Variants in CYBA observed in about 807,000 individuals in gnomAD.
The protein encoded by CYBA is cytochrome b-245 alpha chain.
In CYBA, 21 loss-of-function variants were observed where a neutral mutation model predicts 20.8. The observed-to-expected ratio is 1.01, with a 90% CI of 0.72 to 1.46. The LOEUF (loss-of-function observed/expected upper bound fraction) is 1.46, where lower values mean the gene tolerates loss of function less well. Among genes scored for constraint, CYBA ranks in the 40% most tolerant of loss-of-function variants. The pLI is 0.00. For synonymous variants in CYBA, 164 were observed against 127.5 expected (o/e 1.29, Z -1.93); for missense variants, 344 against 287.0 (o/e 1.20, Z -1.43).
Position 88,647,143 on chromosome 16 carries a change from T to A in CYBA, c.161A>T (p.Tyr54Phe), listed in dbSNP as rs975930514. ...VAGVFVCLLE[Y>F]PRGKRKKGST... ...GCCCTTCTTCCTCTTCCCCCGGGGGTACTCCAGCAGGCACACAAACACGCC... is the reference window on the plus strand; with the variant it reads ...GCCCTTCTTCCTCTTCCCCCGGGGGAACTCCAGCAGGCACACAAACACGCC... Residue 54 changes from tyrosine (Y) to phenylalanine (F), a missense_variant, in exon 3 of 6, where the codon TAC becomes TTC. Coordinates refer to ENST00000261623, the MANE Select transcript of CYBA (RefSeq NM_000101.4). 7 of 1,610,472 alleles carry A rather than the reference T, an allele frequency of 4.3e-6. No homozygotes were observed. Among genetic ancestry groups the A allele is most frequent in the Non-Finnish European group, 5.9e-6 (7 of 1,179,576 alleles).
At chr16:88,649,550 C>T (rs1025401548) in intron 1 of CYBA, among the ~76,000 whole-genome samples, 4 of 152,230 alleles carry the variant, frequency 2.6e-5, no homozygotes, top group Non-Finnish European at 4.4e-5. Flanking sequence ...CTGCTGTCTC[C>T]GGGCCAGCTG....
At chr16:88,646,669 T>C in intron 4 of CYBA, 86 bp downstream of exon 4, 1 of 1,256,010 alleles carries the variant, frequency 8.0e-7, no homozygotes, top group Non-Finnish European at 1.2e-6. Flanking sequence ...GTGGCTCCTG[T>C]CCAGGCAGCC....
rs72558354 is a variant in CYBA at position 88,650,366 on chromosome 16, T to C, written c.58+590A>G. On this transcript the variant is annotated intron_variant, in intron 1 of 5. Coordinates refer to ENST00000261623, the MANE Select transcript of CYBA (RefSeq NM_000101.4). ...AATGCACAGGAGGGTGACTGGGGGCTGTGCCATCCCACCCCAAGAGCAAAG... is the reference window on the plus strand; with the variant it reads ...AATGCACAGGAGGGTGACTGGGGGCCGTGCCATCCCACCCCAAGAGCAAAG... 1.5e-3 allele frequency: 693 copies of C among 456,746 alleles called. 8 individuals carry two copies. The highest frequency in any genetic ancestry group is 0.013 in the African/African-American group (638 of 50,204). 28.3% of individuals were successfully genotyped at this position (456,746 alleles called of 1,614,324 possible).
chr16:88,649,676 G>A (rs1907431557), intron 1 of CYBA, among the ~76,000 whole-genome samples: 1 of 152,224 alleles, frequency 6.6e-6, no homozygotes, highest in Admixed American at 6.5e-5. Context: ...CGAGGCCCTG[G>A]GGCACGCTCA....
At chr16:88,649,517 A>AG (rs1907426689) in intron 1 of CYBA, among the ~76,000 whole-genome samples, 1 of 152,220 alleles carries the variant, frequency 6.6e-6, no homozygotes, top group Non-Finnish European at 1.5e-5. Context: ...TGCTGTGTAC[A>AG]GGGGGGACTC....
chr16:88,646,596 C>T, intron 4 of CYBA, 159 bp downstream of exon 4: 1 of 735,630 alleles, frequency 1.4e-6, no homozygotes, highest in Non-Finnish European at 2.5e-6. Context: ...AGACAGCAGA[C>T]ACAGGCCCTG....
chr16:88,646,445 C>G lies in CYBA; in HGVS notation c.288-248G>C, dbSNP rs577886910. The G allele has an allele frequency of 5.7e-4, 327 of 576,338 alleles. 1 individual carries two copies. In the African/African-American group the frequency reaches 6.2e-3, roughly 11 times the overall value. The allele number at this position is 576,338 out of a possible 1,614,324, so 35.7% of individuals were successfully genotyped here. A position where few individuals can be genotyped will look rare whatever the true frequency, so the allele number is the denominator to read the frequency against. ...GTGTCCTGGCCTCAGCCGGCAGTAA[C>G]CAGCAGACACACAGCACGGAACCCT... On this transcript the variant is annotated intron_variant, in intron 4 of 5. Transcript: ENST00000261623.
chr16:88,648,138 A>G, intron 1 of CYBA, 24 bp from the exon 2 acceptor site: 1 of 1,604,064 alleles, frequency 6.2e-7, no homozygotes, highest in Non-Finnish European at 8.5e-7. Context: ...TGGGTCAGGC[A>G]CTGTGGGGCT....
intron 5 of CYBA, 21 bp downstream of exon 5, chr16:88,646,095 A>G: frequency 6.5e-7 from 1 of 1,543,984 alleles, no homozygotes; most frequent in Middle Eastern, 2.0e-4. Context: ...GCCGGGGCCG[A>G]CCTCAGAGGG....
intron 5 of CYBA, among the ~76,000 whole-genome samples, chr16:88,644,333 C>T (rs1907198815): frequency 6.6e-6 from 1 of 152,138 alleles, no homozygotes; most frequent in South Asian, 2.1e-4. Context: ...AGGCAGGACC[C>T]AGGGCCAGGG....
chr16:88,647,996 C>T (rs572754164), intron 2 of CYBA, 49 bp downstream of exon 2: 264 of 1,557,172 alleles, frequency 1.7e-4, no homozygotes, highest in Admixed American at 6.1e-4. Context: ...GGCTCCCCAG[C>T]TCTGCCCTGG....
At chr16:88,648,022 C>G in intron 2 of CYBA, 23 bp downstream of exon 2, 4 of 1,608,188 alleles carry the variant, frequency 2.5e-6, no homozygotes, top group Non-Finnish European at 3.4e-6. Context: ...CCCCGCCCAC[C>G]CCAGCCTCAG....
intron 1 of CYBA, among the ~76,000 whole-genome samples, 181 bp from the exon 2 acceptor site, chr16:88,648,295 A>G (rs1907362524): frequency 6.6e-6 from 1 of 152,208 alleles, no homozygotes; most frequent in African/African-American, 2.4e-5. Context: ...TGAAGAGCAG[A>G]GCCTGTGGCG....
intron 5 of CYBA, chr16:88,645,368 C>T (rs1044065358): frequency 4.3e-6 from 3 of 702,352 alleles, no homozygotes; most frequent in Non-Finnish European, 2.6e-6. Flanking sequence ...CCCACGCACA[C>T]ACACTAGAAG....
intron 5 of CYBA, chr16:88,645,619 C>A (rs1280952013): frequency 1.7e-6 from 1 of 598,906 alleles, no homozygotes; most frequent in Non-Finnish European, 3.0e-6. Context: ...ATCACTGTAT[C>A]CCATGGGATG....
chr16:88,649,080 CGCG>C (rs1567610033), intron 1 of CYBA, among the ~76,000 whole-genome samples: 10 of 151,570 alleles, frequency 6.6e-5, no homozygotes, highest in South Asian at 6.3e-4. Flanking sequence ...TGGGACTATG[CGCG>C]CCTGCCACCA....
chr16:88,644,348 G>A (rs997754079), intron 5 of CYBA, among the ~76,000 whole-genome samples: 1 of 152,220 alleles, frequency 6.6e-6, no homozygotes, highest in Non-Finnish European at 1.5e-5. Flanking sequence ...CCAGGGAAAG[G>A]TGTTTTCACA....
At chr16:88,644,245 T>C (rs1055668394) in intron 5 of CYBA, among the ~76,000 whole-genome samples, 9 of 152,228 alleles carry the variant, frequency 5.9e-5, no homozygotes, top group Admixed American at 5.2e-4. Context: ...TGTGTGATCC[T>C]ACCTGACTCC....
At chr16:88,648,620 G>GTTT (rs532880870) in intron 1 of CYBA, among the ~76,000 whole-genome samples, 1 of 140,406 alleles carries the variant, frequency 7.1e-6, no homozygotes, top group Admixed American at 7.2e-5. Context: ...CCCCCTTACT[G>GTTT]TTTTTTTTTT....
Sources: gnomAD v4.1 joint callset for allele counts (sites outside exome capture counted in the v4.1 genomes callset) on GRCh38, gnomAD v4.1.1 for gene constraint, MANE v1.5 for transcripts, NCBI Gene and HGNC (gene_info 2026-07-23, HGNC 2026-07-21) for gene names.